Variants in DENND5B observed in about 807,000 individuals in gnomAD.
DENND5B encodes the protein DENN domain containing 5B, also known as DENN domain-containing protein 5B.
In DENND5B, 34 loss-of-function variants were observed where a neutral mutation model predicts 140.6. The observed-to-expected ratio is 0.24, with a 90% confidence interval of 0.18 to 0.32. The LOEUF (loss-of-function observed/expected upper bound fraction) is 0.32, where lower values mean the gene tolerates loss of function less well. DENND5B is among the 10% of genes least tolerant of loss of function. DENND5B has a pLI of 1.00. For synonymous variants in DENND5B, 551 were observed against 562.1 expected, an observed-to-expected ratio of 0.98 and a Z score of 0.28; for missense variants, 1,142 against 1,560.2, an observed-to-expected ratio of 0.73 and a Z score of 4.52.
intron 1 of DENND5B, among the ~76,000 whole-genome samples, chr12:31,505,518 A>G (rs770145882): frequency 2.9e-4 from 44 of 151,912 alleles, no homozygotes; most frequent in Non-Finnish European, 5.4e-4. Context: ...TTACAGGCAT[A>G]AGCCACCATG....
At chr12:31,434,403 A>C (rs1943647854) in intron 7 of DENND5B, among the ~76,000 whole-genome samples, 1 of 152,228 alleles carries the variant, frequency 6.6e-6, no homozygotes, top group Non-Finnish European at 1.5e-5. Context: ...ACTGCCTTTC[A>C]GATGAGATCA....
intron 1 of DENND5B, among the ~76,000 whole-genome samples, chr12:31,560,422 GACT>G (rs143969821): frequency 0.012 from 1,888 of 152,150 alleles, 34 homozygotes; most frequent in African/African-American, 0.042. Flanking sequence ...TCCAGAAATT[GACT>G]ACATCTCACT....
intron 1 of DENND5B, among the ~76,000 whole-genome samples, chr12:31,535,487 G>A (rs775228545): frequency 5.3e-5 from 8 of 152,026 alleles, no homozygotes; most frequent in Admixed American, 1.3e-4. Context: ...GAAAGTAAGC[G>A]AAGAGAACCA....
intron 7 of DENND5B, among the ~76,000 whole-genome samples, chr12:31,441,277 C>G (rs1238951533): frequency 2.0e-5 from 3 of 151,956 alleles, no homozygotes; most frequent in African/African-American, 7.2e-5. Context: ...CTGGGGAGGT[C>G]AAGGCTATAA....
At chr12:31,521,617 T>C (rs1168327961) in intron 1 of DENND5B, among the ~76,000 whole-genome samples, 1 of 152,198 alleles carries the variant, frequency 6.6e-6, no homozygotes, top group Non-Finnish European at 1.5e-5. Context: ...TGTGGGTTTT[T>C]TTAGTGGCTT....
chr12:31,587,570 C>T (rs1281113702), intron 1 of DENND5B, among the ~76,000 whole-genome samples: 3 of 108,836 alleles, frequency 2.8e-5, no homozygotes, highest in Non-Finnish European at 5.5e-5. Flanking sequence ...TTTTTTGAGA[C>T]AGAGTCTCCC....
At chr12:31,487,145 G>C (rs1244508337) in intron 2 of DENND5B, among the ~76,000 whole-genome samples, 1 of 152,180 alleles carries the variant, frequency 6.6e-6, no homozygotes, top group Non-Finnish European at 1.5e-5. Flanking sequence ...TTGAATATGA[G>C]ATGTGGAAAG....
intron 2 of DENND5B, among the ~76,000 whole-genome samples, chr12:31,490,261 C>A (rs1467360856): frequency 6.6e-6 from 1 of 151,580 alleles, no homozygotes; most frequent in Non-Finnish European, 1.5e-5. Flanking sequence ...GTGGCGGGGG[C>A]AAAAGGGTCT....
intron 7 of DENND5B, among the ~76,000 whole-genome samples, chr12:31,440,424 G>A (rs1222607310): frequency 6.6e-6 from 1 of 152,116 alleles, no homozygotes; most frequent in African/African-American, 2.4e-5. Flanking sequence ...TGCAAACTAA[G>A]GCAAGTACAA....
chr12:31,494,016 C>T (rs1946635604), intron 2 of DENND5B, among the ~76,000 whole-genome samples: 1 of 152,050 alleles, frequency 6.6e-6, no homozygotes, highest in Admixed American at 6.6e-5. Flanking sequence ...ATTATATAAT[C>T]ATAGAGTTTA....
Position 31,433,176 on chromosome 12 carries a change from C to A in DENND5B, c.2085G>T (p.Gly695=), listed in dbSNP as rs376600846. Residue 695 remains glycine, a synonymous_variant, in exon 8 of 21, where the codon GGG becomes GGT. Coordinates refer to ENST00000389082, the MANE Select transcript of DENND5B (RefSeq NM_144973.4). Reference sequence around the variant, plus strand: ...ATACCTCCCTCAAGTCGTTGTCCAGCCCAACATGCTCAGAATGCTGGCGAA... The same window carrying A: ...ATACCTCCCTCAAGTCGTTGTCCAGACCAACATGCTCAGAATGCTGGCGAA... ...ERLRQHSEHV[G]LDNDLREKYM... is the part of the protein sequence containing the mutation. The A allele has an allele frequency of 5.0e-6, 8 of 1,613,806 alleles. No homozygotes were observed. In the African/African-American group the frequency reaches 8.0e-5, roughly 16 times the overall value.
chr12:31,540,118 T>C (rs1948636073), intron 1 of DENND5B, among the ~76,000 whole-genome samples: 1 of 151,972 alleles, frequency 6.6e-6, no homozygotes, highest in African/African-American at 2.4e-5. Context: ...AGTAATCCCA[T>C]TTACAATAAC....
intron 19 of DENND5B, among the ~76,000 whole-genome samples, chr12:31,391,764 G>T (rs957890575): frequency 1.3e-5 from 2 of 152,050 alleles, no homozygotes; most frequent in Admixed American, 1.3e-4. Flanking sequence ...GGGCTCAAGC[G>T]ATTCTCTTGC....
chr12:31,397,696 C>T (rs1056499679), intron 17 of DENND5B, among the ~76,000 whole-genome samples: 1 of 151,908 alleles, frequency 6.6e-6, no homozygotes, highest in Non-Finnish European at 1.5e-5. Flanking sequence ...GAGGCTGAGG[C>T]AGGCAGATCG....
intron 6 of DENND5B, among the ~76,000 whole-genome samples, chr12:31,444,566 T>TA (rs1393065472): frequency 5.3e-5 from 8 of 152,102 alleles, no homozygotes; most frequent in African/African-American, 1.9e-4. Flanking sequence ...TCAAGAGTAT[T>TA]ATATAATTTC....
rs557681781 is a variant in DENND5B at position 31,548,161 on chromosome 12, G to A, written c.127+42545C>T. 2.6e-5 allele frequency among the ~76,000 whole-genome samples: 4 copies of A among 152,154 alleles called. No homozygotes were observed. In the South Asian group the frequency reaches 8.3e-4, roughly 32 times the overall value. ...AATCCCAGTGCTTTGGGAGGCCGAG[G>A]CAGGAGGATCACTTGAGCGCAGAAG... On this transcript the variant is annotated intron_variant, in intron 1 of 20. Transcript: ENST00000389082.
chr12:31,502,500 G>A (rs1221166688), intron 1 of DENND5B, among the ~76,000 whole-genome samples: 2 of 152,072 alleles, frequency 1.3e-5, no homozygotes, highest in African/African-American at 2.4e-5. Flanking sequence ...CTACTGTAAC[G>A]ACACAGGCTA....
chr12:31,401,380 C>G (rs1252411021), intron 15 of DENND5B, among the ~76,000 whole-genome samples: 1 of 152,030 alleles, frequency 6.6e-6, no homozygotes, highest in African/African-American at 2.4e-5. Flanking sequence ...GGCTTTGAGT[C>G]TACTGCATGG....
At chr12:31,564,543 C>T (rs1036789117) in intron 1 of DENND5B, among the ~76,000 whole-genome samples, 6 of 149,248 alleles carry the variant, frequency 4.0e-5, no homozygotes, top group Non-Finnish European at 8.9e-5. Flanking sequence ...CTTCCACTAC[C>T]ACCCCTCTCT....
Sources: gnomAD v4.1 joint callset for allele counts (sites outside exome capture counted in the v4.1 genomes callset) on GRCh38, gnomAD v4.1.1 for gene constraint, MANE v1.5 for transcripts, NCBI Gene and HGNC (gene_info 2026-07-23, HGNC 2026-07-21) for gene names.